The following THADA variants were observed in gnomAD, a reference collection of about 807,000 sequenced individuals.
THADA encodes tRNA (32-2'-O)-methyltransferase regulator THADA.
A neutral mutation model predicts 219.8 loss-of-function variants in THADA; 213 were observed. The ratio of observed to expected loss-of-function variants is 0.97; its 90% CI spans 0.87 to 1.09. The LOEUF (loss-of-function observed/expected upper bound fraction) is 1.09, where lower values mean the gene tolerates loss of function less well. THADA is among the 50% of genes least tolerant of loss of function. The pLI is 0.00. For missense variants in THADA, 2,956 were observed against 2,311.3 expected (o/e 1.28, Z -5.72); for synonymous variants, 1,018 against 828.9 (o/e 1.23, Z -3.92).
At chr2:43,275,140 G>A (rs189860675) in intron 36 of THADA, among the ~76,000 whole-genome samples, 43 of 151,926 alleles carry the variant, frequency 2.8e-4, no homozygotes, top group African/African-American at 1.0e-3. Context: ...GAGTAACTGG[G>A]ACTACAGATG....
At chr2:43,518,059 C>T (rs1691952786) in intron 22 of THADA, among the ~76,000 whole-genome samples, 1 of 152,168 alleles carries the variant, frequency 6.6e-6, no homozygotes, top group Non-Finnish European at 1.5e-5. Context: ...AACTTTATCA[C>T]ATAAAAACAC....
At chr2:43,514,663 A>ATTAT in intron 22 of THADA, among the ~76,000 whole-genome samples, 1 of 77,380 alleles carries the variant, frequency 1.3e-5, no homozygotes, top group African/African-American at 6.5e-5. Context: ...TATTGTATAT[A>ATTAT]ATAATATATA....
chr2:43,581,672 G>C (rs959801052), intron 8 of THADA, 69 bp downstream of exon 8: 4 of 1,380,788 alleles, frequency 2.9e-6, no homozygotes, highest in African/African-American at 1.5e-5. Context: ...CTATTAGTAG[G>C]AAAAGCTGAT....
chr2:43,536,163 T>C lies in THADA; in HGVS notation c.3264+4996A>G, dbSNP rs187163244. ...GTGGGTCTAGTTTCATCCTTCTGCA[T>C]ATGAAGAAAGCATACTCAGTTTTCC... is the stretch of plus-strand genomic sequence containing the variant. On this transcript the variant is annotated intron_variant, in intron 21 of 37. Coordinates refer to ENST00000405975, the MANE Select transcript of THADA (RefSeq NM_022065.5). Among the ~76,000 whole-genome samples, 20 of 152,284 alleles carry C rather than the reference T, an allele frequency of 1.3e-4. No homozygotes were observed. The East Asian group carries it at 3.5e-3, about 26-fold the overall frequency.
rs571963255 is a variant in THADA at position 43,556,532 on chromosome 2, T to C, written c.2487A>G (p.Leu829=). 3.1e-6 allele frequency: 5 copies of C among 1,613,784 alleles called. No homozygotes were observed. The highest frequency in any genetic ancestry group is 2.2e-5 in the East Asian group (1 of 44,876). Residue 829 remains leucine, a synonymous_variant, in exon 17 of 38, where the codon TTA becomes TTG. Transcript: ENST00000405975. ...TGCTGAGCTCCAATGCTGCCTGAAA[T>C]AAGCCTTGCAGTTTCCCCGAATCCT... The part of the protein sequence containing the change: ...HFQDSGKLQG[L]FQAALELSTS...
At chr2:43,484,012 T>A (rs990507040) in intron 26 of THADA, among the ~76,000 whole-genome samples, 4 of 152,108 alleles carry the variant, frequency 2.6e-5, no homozygotes, top group African/African-American at 9.6e-5. Flanking sequence ...AGGAAGAATT[T>A]CTTTAAGAAC....
At chr2:43,501,274 C>T (rs141331462) in intron 24 of THADA, among the ~76,000 whole-genome samples, 36 of 115,080 alleles carry the variant, frequency 3.1e-4, no homozygotes, top group Admixed American at 3.0e-3. Flanking sequence ...CCATTGCACT[C>T]GAACCTGGGC....
intron 25 of THADA, 38 bp downstream of exon 25, chr2:43,498,795 T>C (rs1450459670): frequency 6.2e-7 from 1 of 1,601,922 alleles, no homozygotes; most frequent in African/African-American, 1.3e-5. Flanking sequence ...CTCAGAAGCA[T>C]AATTAAATCA....
At chr2:43,330,220 C>G (rs1275918087) in intron 30 of THADA, among the ~76,000 whole-genome samples, 1 of 152,188 alleles carries the variant, frequency 6.6e-6, no homozygotes, top group African/African-American at 2.4e-5. Context: ...GAACGCAGAG[C>G]CTGCGGACTG....
chr2:43,350,073 T>C (rs754050751), intron 29 of THADA, among the ~76,000 whole-genome samples: 2 of 152,222 alleles, frequency 1.3e-5, no homozygotes, highest in Non-Finnish European at 1.5e-5. Context: ...ATGTACAGTA[T>C]AGGGTGATGT....
intron 34 of THADA, among the ~76,000 whole-genome samples, chr2:43,287,419 C>T (rs886795007): frequency 6.6e-6 from 1 of 152,028 alleles, no homozygotes; most frequent in African/African-American, 2.4e-5. Flanking sequence ...TTCAGCCTTC[C>T]GAGTAGCTGA....
chr2:43,387,680 G>T (rs989093499), intron 29 of THADA, among the ~76,000 whole-genome samples: 1 of 152,254 alleles, frequency 6.6e-6, no homozygotes, highest in Non-Finnish European at 1.5e-5. Context: ...CTCCCTAGGG[G>T]ACATAGGGAA....
At chr2:43,373,133 T>C (rs753395847) in intron 29 of THADA, among the ~76,000 whole-genome samples, 6 of 152,224 alleles carry the variant, frequency 3.9e-5, no homozygotes, top group Non-Finnish European at 8.8e-5. Flanking sequence ...AAAAACAGCA[T>C]TACTCTTATT....
chr2:43,323,785 G>A (rs1679017446), intron 30 of THADA, among the ~76,000 whole-genome samples: 1 of 152,162 alleles, frequency 6.6e-6, no homozygotes, highest in Non-Finnish European at 1.5e-5. Context: ...GAGAAATGAA[G>A]TTATACTTCC....
chr2:43,486,068 A>C (rs983246111), intron 25 of THADA, among the ~76,000 whole-genome samples: 3 of 152,104 alleles, frequency 2.0e-5, no homozygotes, highest in African/African-American at 4.8e-5. Flanking sequence ...TGGGCAAAAG[A>C]GTGAGAACCT....
intron 36 of THADA, among the ~76,000 whole-genome samples, chr2:43,237,377 A>G (rs1318451621): frequency 6.8e-6 from 1 of 147,698 alleles, no homozygotes; most frequent in African/African-American, 2.5e-5. Context: ...TGTAAGAGCA[A>G]AAACTAGAAA....
chr2:43,572,468 T>C (rs1030120155), intron 12 of THADA, among the ~76,000 whole-genome samples: 28 of 152,206 alleles, frequency 1.8e-4, no homozygotes, highest in African/African-American at 6.0e-4. Flanking sequence ...TCTAATCATA[T>C]CTATCACTTT....
At chr2:43,511,204 C>T (rs560855415) in intron 22 of THADA, among the ~76,000 whole-genome samples, 2 of 152,136 alleles carry the variant, frequency 1.3e-5, no homozygotes, top group African/African-American at 2.4e-5. Flanking sequence ...GGATTTGCTA[C>T]GTAGGAAAAA....
At position 43,527,934 on chromosome 2, in the gene THADA, C is replaced by T. The variant is rs375472884; in HGVS notation, c.3319G>A (p.Gly1107Arg). ...CCAGTATAAGCCAATTCAAATGCTC[C>T]TCTGTGCCTGGACTGCAAAAGGTGT... ...KQHLLQSRHR[G>R]AFELAYTGFV... Residue 1107 changes from glycine to arginine, a missense_variant, in exon 22 of 38, where the codon GGA becomes AGA. Gly to Arg is a moderately radical substitution (Grantham distance 125). Coordinates refer to ENST00000405975, the MANE Select transcript of THADA (RefSeq NM_022065.5). 7.4e-6 allele frequency: 12 copies of T among 1,613,550 alleles called. No homozygotes were observed. Among genetic ancestry groups the T allele is most frequent in the Middle Eastern group, 1.6e-4 (1 of 6,082 alleles).
Sources: gnomAD v4.1 joint callset for allele counts (sites outside exome capture counted in the v4.1 genomes callset) on GRCh38, gnomAD v4.1.1 for gene constraint, MANE v1.5 for transcripts, NCBI Gene and HGNC (gene_info 2026-07-23, HGNC 2026-07-21) for gene names.